The following GALNT1 variants were observed in gnomAD, a reference collection of about 807,000 sequenced individuals.
The protein encoded by GALNT1 is GalNAc transferase 1.
In GALNT1, 17 loss-of-function variants were observed where a neutral mutation model predicts 65.7. The observed-to-expected ratio is 0.26, with a 90% CI of 0.18 to 0.39. The LOEUF is 0.39. Among genes scored for constraint, GALNT1 ranks in the 10% least tolerant of loss-of-function variants. The probability of loss-of-function intolerance (pLI) is 1.00; values close to 1 mark genes in which losing one functional copy is unlikely to be tolerated. For synonymous variants in GALNT1, 210 were observed against 219.7 expected, an observed-to-expected ratio of 0.96 and a Z score of 0.39; for missense variants, 460 against 672.8, an observed-to-expected ratio of 0.68 and a Z score of 3.50.
intron 1 of GALNT1, among the ~76,000 whole-genome samples, chr18:35,585,741 C>T (rs2046371353): frequency 6.6e-6 from 1 of 152,228 alleles, no homozygotes; most frequent in Non-Finnish European, 1.5e-5. Context: ...TTGGAATTGG[C>T]TTTATTCACT....
chr18:35,640,796 T>C (rs1310904370), intron 1 of GALNT1, among the ~76,000 whole-genome samples: 3 of 152,218 alleles, frequency 2.0e-5, no homozygotes, highest in African/African-American at 7.2e-5. Context: ...ACAAAGTTGG[T>C]ATTACACTCC....
rs976195504 is a variant in GALNT1, at chr18:35,701,650, G to A, written c.1300-1247G>A. Among the ~76,000 whole-genome samples the A allele has an allele frequency of 3.3e-5, 5 of 152,182 alleles. No individual in the cohort carries two copies. In the East Asian group the frequency reaches 9.6e-4, roughly 29 times the overall value. On this transcript the variant is annotated intron_variant, in intron 9 of 11. Coordinates refer to ENST00000269195, the MANE Select transcript of GALNT1 (RefSeq NM_020474.4). ...ATTTCTAGCTTGAATAATTGGACAAGTTGTGGGAATAGTAATAAAAATAGG... is the reference window on the plus strand; with the variant it reads ...ATTTCTAGCTTGAATAATTGGACAAATTGTGGGAATAGTAATAAAAATAGG...
chr18:35,684,707 A>T (rs1001407046), intron 5 of GALNT1, among the ~76,000 whole-genome samples: 5 of 152,236 alleles, frequency 3.3e-5, no homozygotes, highest in Non-Finnish European at 5.9e-5. Context: ...TGCATCATTG[A>T]GTTGGCACAA....
At chr18:35,641,882 G>GT (rs1323737780) in intron 1 of GALNT1, among the ~76,000 whole-genome samples, 1 of 152,176 alleles carries the variant, frequency 6.6e-6, no homozygotes, top group African/African-American at 2.4e-5. Context: ...GTTAAGAATG[G>GT]TTTTTAACAT....
At chr18:35,682,012 T>A (rs2047794133) in intron 4 of GALNT1, among the ~76,000 whole-genome samples, 1 of 152,132 alleles carries the variant, frequency 6.6e-6, no homozygotes, top group Admixed American at 6.6e-5. Context: ...AGCATTATGC[T>A]AAACAGACAC....
intron 2 of GALNT1, among the ~76,000 whole-genome samples, chr18:35,659,481 G>A (rs1245724755): frequency 6.6e-6 from 1 of 151,960 alleles, no homozygotes; most frequent in East Asian, 1.9e-4. Flanking sequence ...GAGTTAGATT[G>A]GGCTCCCTTG....
At chr18:35,682,805 T>C (rs1417372746) in intron 4 of GALNT1, among the ~76,000 whole-genome samples, 1 of 151,928 alleles carries the variant, frequency 6.6e-6, no homozygotes, top group Non-Finnish European at 1.5e-5. Flanking sequence ...TTTTAAACTT[T>C]TTTTCTTACA....
intron 9 of GALNT1, among the ~76,000 whole-genome samples, chr18:35,701,583 AAACAT>A (rs1401883903): frequency 2.6e-5 from 4 of 152,356 alleles, no homozygotes; most frequent in African/African-American, 9.6e-5. Context: ...GAACTCTTGG[AAACAT>A]ATAATGTATT....
At chr18:35,674,982 C>CAAAAA (rs150477892) in intron 3 of GALNT1, among the ~76,000 whole-genome samples, 4 of 30,298 alleles carry the variant, frequency 1.3e-4, no homozygotes, top group Non-Finnish European at 2.1e-4. Context: ...GACTCCGTCT[C>CAAAAA]AAAAAAAAAA....
intron 1 of GALNT1, among the ~76,000 whole-genome samples, chr18:35,629,846 A>G (rs986452920): frequency 6.6e-6 from 1 of 152,224 alleles, no homozygotes; most frequent in African/African-American, 2.4e-5. Flanking sequence ...GGCTCAAAAT[A>G]CAGGGATGGA....
chr18:35,638,258 C>T (rs771137646), intron 1 of GALNT1, among the ~76,000 whole-genome samples: 2 of 152,150 alleles, frequency 1.3e-5, no homozygotes, highest in African/African-American at 2.4e-5. Context: ...GATGGATGAA[C>T]GGATGCACTC....
At chr18:35,678,978 A>G (rs946047910) in intron 4 of GALNT1, among the ~76,000 whole-genome samples, 3 of 152,078 alleles carry the variant, frequency 2.0e-5, no homozygotes, top group African/African-American at 7.3e-5. Context: ...AAAGTAATTT[A>G]TATCTTACCT....
At chr18:35,581,730 A>T (rs1272029383), upstream of GALNT1, 1 of 137,704 alleles carries the variant, frequency 7.3e-6, no homozygotes, top group East Asian at 2.3e-4. Context: ...CCGCCGGGGG[A>T]GCCGCCGGCA....
chr18:35,703,727 C>G, intron 11 of GALNT1, 84 bp downstream of exon 11: 1 of 1,321,884 alleles, frequency 7.6e-7, no homozygotes. Flanking sequence ...GGAATGAGTT[C>G]TTGTGGACCT....
chr18:35,628,510 A>G (rs922622588), intron 1 of GALNT1, among the ~76,000 whole-genome samples: 39 of 152,242 alleles, frequency 2.6e-4, no homozygotes, highest in Non-Finnish European at 1.2e-4. Context: ...GAGGGTCCTG[A>G]CTGTTAGAAG....
intron 1 of GALNT1, among the ~76,000 whole-genome samples, chr18:35,614,787 T>C (rs747406904): frequency 6.6e-6 from 1 of 152,096 alleles, no homozygotes; most frequent in East Asian, 1.9e-4. Context: ...AGAAGATCAT[T>C]ATGGTAAAGT....
rs1178236645 is a variant in GALNT1 at position 35,581,783 on chromosome 18, C to CCCGCCCT, written c.-183_-182insCCGCCCT. On this transcript the variant is annotated 5_prime_UTR_variant, in exon 1 of 12. Transcript: ENST00000269195. ...GGCGGACGGCGGCCCGAGAGTAGCG[C>CCCGCCCT]GCTGGCCGCGGGACCGGCCGCGACC... 1.8e-3 allele frequency: 1 copy of CCCGCCCT among 554 alleles called. No homozygotes were observed. The highest frequency in any genetic ancestry group is 0.022 in the Admixed American group (1 of 46). 0.0% of individuals were successfully genotyped at this position (554 alleles called of 1,614,324 possible).
chr18:35,687,050 A>G lies in GALNT1; in HGVS notation c.724A>G (p.Ser242Gly), dbSNP rs1220123367. 3.7e-6 allele frequency: 6 copies of G among 1,613,792 alleles called. No individual in the cohort carries two copies. In the Admixed American group the frequency reaches 8.3e-5, roughly 22 times the overall value. ...TVVCPIIDVISDDTFEYMAGS... is the reference protein window; with the variant it reads ...TVVCPIIDVIGDDTFEYMAGS... ...GGTGTGTCCCATCATCGATGTGATC[A>G]GTGATGATACTTTTGAGTACATGGC... The change falls in exon 6 of 12, where the codon AGT (serine) becomes GGT (glycine). Residue 242 changes from serine (S) to glycine (G), a missense_variant. Ser to Gly is a moderately conservative substitution (Grantham distance 56). Coordinates refer to ENST00000269195, the MANE Select transcript of GALNT1 (RefSeq NM_020474.4).
At chr18:35,598,388 C>G (rs115669393) in intron 1 of GALNT1, among the ~76,000 whole-genome samples, 1,956 of 152,106 alleles carry the variant, frequency 0.013, 45 homozygotes, top group African/African-American at 0.045. Context: ...CCCTTCTCCT[C>G]CCTACCCTTC....
Sources: allele counts gnomAD v4.1 joint callset (sites outside exome capture counted in the v4.1 genomes callset), GRCh38; gene constraint gnomAD v4.1.1; transcripts MANE v1.5; gene names NCBI Gene and HGNC (gene_info 2026-07-23, HGNC 2026-07-21).